Variants in UBE3D observed in about 807,000 individuals in gnomAD.
UBE3D encodes the protein E3 ubiquitin-protein ligase E3D.
In UBE3D, 48 loss-of-function variants were observed where a neutral mutation model predicts 49.6. That is an observed-to-expected ratio of 0.97 (90% CI 0.77 to 1.23). The LOEUF (loss-of-function observed/expected upper bound fraction) is 1.23. UBE3D is among the 50% of genes most tolerant of loss of function. The pLI is 0.00. For missense variants in UBE3D, 452 were observed against 468.4 expected, an observed-to-expected ratio of 0.96 and a Z score of 0.32; for synonymous variants, 189 against 174.2, an observed-to-expected ratio of 1.08 and a Z score of -0.67.
At chr6:83,007,882 C>T (rs1006195855) in intron 8 of UBE3D, among the ~76,000 whole-genome samples, 4 of 152,188 alleles carry the variant, frequency 2.6e-5, no homozygotes, top group African/African-American at 4.8e-5. Context: ...AAGATTGAGG[C>T]TGCAGTGAGC....
In UBE3D at chr6:82,963,190, CT is replaced by C. The variant is rs5877828; in HGVS notation, c.1011-5741del. 9.6e-3 allele frequency among the ~76,000 whole-genome samples: 1,177 copies of C among 123,070 alleles called. 8 individuals carry two copies. Among genetic ancestry groups the C allele is most frequent in the Middle Eastern group, 0.031 (7 of 224 alleles). The allele number at this position is 123,070 out of a possible 152,430, so 80.7% of individuals were successfully genotyped here. On this transcript the variant is annotated intron_variant, in intron 8 of 9. Coordinates refer to ENST00000369747, the MANE Select transcript of UBE3D (RefSeq NM_198920.3). The stretch of plus-strand genomic sequence containing the variant: ...TTAAAACTTCAGGTAAAGTTTTCAT[CT>C]TTTTTTTTTTTTTTTTTTGGAGAAA...
In UBE3D at chr6:82,954,272, A is replaced by C. The variant is rs547967541; in HGVS notation, c.1149+3040T>G. Among the ~76,000 whole-genome samples the C allele has an allele frequency of 1.3e-4, 20 of 152,336 alleles. No homozygotes were observed. The South Asian group carries it at 4.1e-3, about 32-fold the overall frequency. ...TATATGCTTAGCAATATGTCAGTGAATCTCAATCAAATCCTACATTTTGTT... is the reference window on the plus strand; with the variant it reads ...TATATGCTTAGCAATATGTCAGTGACTCTCAATCAAATCCTACATTTTGTT... On this transcript the variant is annotated intron_variant, in intron 9 of 9. Coordinates refer to ENST00000369747, the MANE Select transcript of UBE3D (RefSeq NM_198920.3).
At chr6:82,976,137 G>C (rs899324807) in intron 8 of UBE3D, among the ~76,000 whole-genome samples, 2 of 152,190 alleles carry the variant, frequency 1.3e-5, no homozygotes, top group Non-Finnish European at 2.9e-5. Flanking sequence ...CTTAGCACTT[G>C]GCAGAAACAA....
At chr6:82,986,675 A>G (rs1341988014) in intron 8 of UBE3D, among the ~76,000 whole-genome samples, 1 of 148,594 alleles carries the variant, frequency 6.7e-6, no homozygotes, top group Non-Finnish European at 1.5e-5. Context: ...TGGATTATAC[A>G]TATATCTTTT....
At chr6:82,958,198 A>G (rs183255755) in intron 8 of UBE3D, among the ~76,000 whole-genome samples, 1 of 152,274 alleles carries the variant, frequency 6.6e-6, no homozygotes, top group Admixed American at 6.5e-5. Flanking sequence ...TGGGGCTAGA[A>G]TCCTGGCTTC....
chr6:82,939,232 G>T (rs1582407641), intron 9 of UBE3D, among the ~76,000 whole-genome samples: 1 of 152,202 alleles, frequency 6.6e-6, no homozygotes, highest in East Asian at 1.9e-4. Flanking sequence ...GCCAGGCCTT[G>T]CCCCTAGGCC....
chr6:82,956,414 G>T (rs991836685), intron 9 of UBE3D, among the ~76,000 whole-genome samples: 5 of 152,160 alleles, frequency 3.3e-5, no homozygotes, highest in African/African-American at 9.7e-5. Context: ...GAGGCGGGGG[G>T]TCTTCCTGTT....
chr6:83,049,048 A>G (rs1449724114), intron 3 of UBE3D, among the ~76,000 whole-genome samples: 1 of 152,236 alleles, frequency 6.6e-6, no homozygotes, highest in African/African-American at 2.4e-5. Flanking sequence ...TACCATGAGC[A>G]TAAACTTTTA....
chr6:82,909,033 AAGT>A (rs1406050684), intron 9 of UBE3D, among the ~76,000 whole-genome samples: 1 of 152,144 alleles, frequency 6.6e-6, no homozygotes, highest in Admixed American at 6.6e-5. Context: ...ATGCAGTCTG[AAGT>A]AGTCACAGGG....
intron 8 of UBE3D, among the ~76,000 whole-genome samples, chr6:82,969,113 A>G (rs1777156414): frequency 6.6e-6 from 1 of 151,586 alleles, no homozygotes; most frequent in African/African-American, 2.4e-5. Context: ...CCCTGGTGAT[A>G]TGACTGTTTT....
intron 5 of UBE3D, 89 bp from the exon 6 acceptor site, chr6:83,024,127 C>G (rs1781288673): frequency 3.2e-6 from 2 of 624,634 alleles, no homozygotes; most frequent in Non-Finnish European, 5.3e-6. Context: ...ATATTCCAAA[C>G]TAAATATTAA....
chr6:82,957,132 AAAAC>A (rs534791837), intron 9 of UBE3D, among the ~76,000 whole-genome samples, 176 bp downstream of exon 9: 26 of 152,248 alleles, frequency 1.7e-4, no homozygotes, highest in African/African-American at 2.9e-4. Context: ...CTGCCTCCAA[AAAAC>A]AAACAAACAA....
chr6:82,932,353 G>C (rs1418341398), intron 9 of UBE3D, among the ~76,000 whole-genome samples: 1 of 152,094 alleles, frequency 6.6e-6, no homozygotes, highest in Non-Finnish European at 1.5e-5. Context: ...CATTTAAATA[G>C]TATCTGGTCC....
At chr6:83,029,373 A>G (rs945890060) in intron 5 of UBE3D, among the ~76,000 whole-genome samples, 11 of 152,064 alleles carry the variant, frequency 7.2e-5, no homozygotes, top group African/African-American at 2.7e-4. Flanking sequence ...GTCATCTCAG[A>G]TCTGTGCTTT....
chr6:82,905,428 C>G (rs1772029711), intron 9 of UBE3D, among the ~76,000 whole-genome samples: 1 of 152,088 alleles, frequency 6.6e-6, no homozygotes, highest in Non-Finnish European at 1.5e-5. Flanking sequence ...TATATAGCCA[C>G]AAACTTAATC....
intron 9 of UBE3D, among the ~76,000 whole-genome samples, chr6:82,955,497 T>A (rs562495101): frequency 6.6e-6 from 1 of 152,330 alleles, no homozygotes; most frequent in South Asian, 2.1e-4. Flanking sequence ...AGATAACCAC[T>A]GTTAAGTTTC....
chr6:82,959,480 G>A (rs1213790973), intron 8 of UBE3D, among the ~76,000 whole-genome samples: 2 of 151,642 alleles, frequency 1.3e-5, no homozygotes, highest in Admixed American at 6.6e-5. Context: ...CAGCCTCTGA[G>A]GTCTAACACC....
chr6:83,065,701 C>CGCCGCAGAA lies in UBE3D; in HGVS notation c.9_17dup (p.Ser4_Ala6dup). ...GCACCTCCAGAAACACGCGCGTCTC[C>CGCCGCAGAA]GCCGCAGAAGCCGCCATGGCAGGCT... On this transcript the variant is annotated inframe_insertion, in exon 1 of 10. Transcript: ENST00000369747. The CGCCGCAGAA allele has an allele frequency of 6.2e-7, 1 of 1,611,646 alleles. No homozygotes were observed. Among genetic ancestry groups the CGCCGCAGAA allele is most frequent in the Non-Finnish European group, 8.5e-7 (1 of 1,179,224 alleles).
At chr6:83,022,269 C>T (rs571390018) in intron 7 of UBE3D, among the ~76,000 whole-genome samples, 184 bp downstream of exon 7, 34 of 152,288 alleles carry the variant, frequency 2.2e-4, no homozygotes, top group African/African-American at 6.7e-4. Context: ...TCAAGTGATC[C>T]ACCCACCTTG....
Sources: gnomAD v4.1 joint callset for allele counts (sites outside exome capture counted in the v4.1 genomes callset) on GRCh38, gnomAD v4.1.1 for gene constraint, MANE v1.5 for transcripts, NCBI Gene and HGNC (gene_info 2026-07-23, HGNC 2026-07-21) for gene names.